SND1: variants seen among roughly 807,000 people sequenced by gnomAD.
SND1 encodes staphylococcal nuclease domain-containing protein 1.
Under a neutral mutation model 121.7 loss-of-function variants are expected in SND1, and 38 were observed. The ratio of observed to expected loss-of-function variants is 0.31; its 90% CI spans 0.24 to 0.41. SND1 has a LOEUF of 0.41. Among genes scored for constraint, SND1 ranks in the 10% least tolerant of loss-of-function variants. The pLI, the probability that SND1 is intolerant of heterozygous loss-of-function variation, is 1.00. For missense variants in SND1, 868 were observed against 1,184.6 expected (o/e 0.73, Z 3.92); for synonymous variants, 401 against 447.4 (o/e 0.90, Z 1.31).
At chr7:128,040,256 G>A (rs1010527329) in intron 16 of SND1, among the ~76,000 whole-genome samples, 3 of 151,452 alleles carry the variant, frequency 2.0e-5, no homozygotes, top group East Asian at 1.9e-4. Context: ...CTTGAAACAC[G>A]GGGTGTGTCA....
intron 16 of SND1, among the ~76,000 whole-genome samples, chr7:128,017,385 G>A (rs1193132349): frequency 1.3e-5 from 2 of 152,202 alleles, no homozygotes; most frequent in East Asian, 1.9e-4. Flanking sequence ...AGGGGGCTAC[G>A]TAAGTACAAC....
chr7:127,860,670 T>C (rs980804623), intron 12 of SND1, among the ~76,000 whole-genome samples: 1 of 152,250 alleles, frequency 6.6e-6, no homozygotes, highest in Non-Finnish European at 1.5e-5. Flanking sequence ...CTGTTTATTA[T>C]TACTGTTGTT....
At chr7:127,657,226 A>G (rs1266315831) in intron 1 of SND1, among the ~76,000 whole-genome samples, 1 of 152,238 alleles carries the variant, frequency 6.6e-6, no homozygotes, top group East Asian at 1.9e-4. Flanking sequence ...CTTATGGCTT[A>G]TGGAGGAGTC....
At chr7:127,823,816 A>G (rs1255346953) in intron 11 of SND1, among the ~76,000 whole-genome samples, 1 of 152,208 alleles carries the variant, frequency 6.6e-6, no homozygotes, top group African/African-American at 2.4e-5. Context: ...GTATTGGCGA[A>G]TTCAGATATT....
At chr7:127,891,063 G>C (rs1800001245) in intron 13 of SND1, among the ~76,000 whole-genome samples, 1 of 152,110 alleles carries the variant, frequency 6.6e-6, no homozygotes. Flanking sequence ...AGTCTTGTCA[G>C]TGAGCCCCAG....
intron 15 of SND1, among the ~76,000 whole-genome samples, chr7:127,978,147 A>C (rs1260414904): frequency 6.6e-6 from 1 of 152,168 alleles, no homozygotes; most frequent in African/African-American, 2.4e-5. Context: ...GCAGAGAGAA[A>C]AAAAGGGCCC....
chr7:127,710,870 A>T (rs1017825279), intron 9 of SND1, among the ~76,000 whole-genome samples: 2 of 152,244 alleles, frequency 1.3e-5, no homozygotes, highest in African/African-American at 2.4e-5. Context: ...ATTATGTCAT[A>T]AGTTAGTTAA....
rs1584781445 is a variant in SND1 at position 128,085,927 on chromosome 7, G to A, written c.2304+147G>A. The A allele has an allele frequency of 9.8e-6, 7 of 715,112 alleles. No individual in the cohort carries two copies. In the South Asian group the frequency reaches 1.1e-4, roughly 11 times the overall value. 44.3% of individuals were successfully genotyped at this position (715,112 alleles called of 1,614,324 possible). On this transcript the variant is annotated intron_variant, in intron 20 of 23. Coordinates refer to ENST00000354725, the MANE Select transcript of SND1 (RefSeq NM_014390.4). The surrounding 1 kb of genome is among the most constrained non-coding windows in gnomAD (Gnocchi z 4.4). ...CTCTGCTGTGCGTGTAACAGGCCAGGCCCCCTCAGTGACCTGGCAAAACTG... is the reference window on the plus strand; with the variant it reads ...CTCTGCTGTGCGTGTAACAGGCCAGACCCCCTCAGTGACCTGGCAAAACTG...
At chr7:127,832,383 A>G (rs1006543376) in intron 11 of SND1, among the ~76,000 whole-genome samples, 1 of 152,222 alleles carries the variant, frequency 6.6e-6, no homozygotes, top group African/African-American at 2.4e-5. Flanking sequence ...ACAGTGAAAA[A>G]TACCACTTAG....
At chr7:127,722,705 C>T (rs143761605) in intron 10 of SND1, among the ~76,000 whole-genome samples, 3,065 of 152,070 alleles carry the variant, frequency 0.02, 49 homozygotes, top group Non-Finnish European at 0.032. Context: ...ATAGACAGCC[C>T]GTAAGAGTAA....
chr7:127,848,823 C>A (rs1006727221), intron 12 of SND1, among the ~76,000 whole-genome samples: 2 of 152,116 alleles, frequency 1.3e-5, no homozygotes, highest in South Asian at 4.1e-4. Flanking sequence ...TCTGTATCTT[C>A]TATAGGGTTT....
At chr7:127,962,357 C>A (rs150072286) in intron 15 of SND1, among the ~76,000 whole-genome samples, 1 of 152,216 alleles carries the variant, frequency 6.6e-6, no homozygotes, top group Admixed American at 6.5e-5. Flanking sequence ...TTTGTATATA[C>A]GTATATATTT....
At chr7:127,669,001 T>C (rs1218739746) in intron 1 of SND1, among the ~76,000 whole-genome samples, 3 of 148,300 alleles carry the variant, frequency 2.0e-5, no homozygotes, top group Non-Finnish European at 4.5e-5. Flanking sequence ...TGCCTCCCCC[T>C]TTTTTTTTTG....
intron 10 of SND1, among the ~76,000 whole-genome samples, chr7:127,802,866 T>C (rs1358281409): frequency 2.6e-5 from 4 of 152,210 alleles, no homozygotes; most frequent in African/African-American, 9.6e-5. Context: ...GAGTCATTCT[T>C]GATTCCTCCT....
chr7:127,687,606 T>A (rs534802990), intron 2 of SND1, among the ~76,000 whole-genome samples: 2 of 152,360 alleles, frequency 1.3e-5, no homozygotes, highest in African/African-American at 2.4e-5. Context: ...TCACTTAGGA[T>A]GCTGGCCTCT....
At position 127,988,104 on chromosome 7, in the gene SND1, A is replaced by C. The variant is rs566862216; in HGVS notation, c.1670-2843A>C. Reference sequence around the variant, plus strand: ...TGGTTGTCTACAGGTGTTTGTACCCATATGTAAGTGTGTATGTTGGTCACA... The same window carrying C: ...TGGTTGTCTACAGGTGTTTGTACCCCTATGTAAGTGTGTATGTTGGTCACA... On this transcript the variant is annotated intron_variant, in intron 15 of 23. Transcript: ENST00000354725. 1.2e-4 allele frequency among the ~76,000 whole-genome samples: 18 copies of C among 152,302 alleles called. No individual in the cohort carries two copies. The South Asian group carries it at 3.5e-3, about 30-fold the overall frequency.
intron 10 of SND1, among the ~76,000 whole-genome samples, chr7:127,796,890 C>CTTTTTTTTTTTTTTTT (rs36078891): frequency 9.8e-6 from 1 of 102,090 alleles, no homozygotes; most frequent in Non-Finnish European, 1.9e-5. Context: ...TTTCCTGAGT[C>CTTTTTTTTTTTTTTTT]TTTTTTTTTT....
intron 12 of SND1, among the ~76,000 whole-genome samples, chr7:127,874,835 A>T (rs376893073): frequency 6.6e-6 from 1 of 152,292 alleles, no homozygotes; most frequent in Non-Finnish European, 1.5e-5. Context: ...TATTAGAACT[A>T]GAGTGCTCAA....
chr7:127,964,082 C>T (rs1313549239), intron 15 of SND1, among the ~76,000 whole-genome samples: 13 of 150,328 alleles, frequency 8.6e-5, no homozygotes, highest in African/African-American at 3.2e-4. Flanking sequence ...ATGTCCTTCG[C>T]CCACTTTTTG....
Sources: gnomAD v4.1 joint callset for allele counts (sites outside exome capture counted in the v4.1 genomes callset) on GRCh38, gnomAD v4.1.1 for gene constraint, Gnocchi (gnomAD v3.1) non-coding constraint, MANE v1.5 for transcripts, NCBI Gene and HGNC (gene_info 2026-07-23, HGNC 2026-07-21) for gene names.